RYR3: variants seen among roughly 807,000 people sequenced by gnomAD.
The protein encoded by RYR3 is ryanodine receptor 3.
Under a neutral mutation model 584.3 loss-of-function variants are expected in RYR3, and 207 were observed. The observed-to-expected ratio is 0.35, with a 90% CI of 0.32 to 0.40. The LOEUF (loss-of-function observed/expected upper bound fraction) is 0.40, where lower values mean the gene tolerates loss of function less well. Ranked by LOEUF, RYR3 falls within the 10% of genes least tolerant of loss-of-function variation. The pLI, the probability that RYR3 is intolerant of heterozygous loss-of-function variation, is 1.00. For missense variants in RYR3, 5,616 were observed against 6,089.2 expected (o/e 0.92, Z 2.59); for synonymous variants, 2,416 against 2,248.5 (o/e 1.07, Z -2.11).
At chr15:33,560,338 C>T (rs1001182262) in intron 10 of RYR3, among the ~76,000 whole-genome samples, 4 of 152,054 alleles carry the variant, frequency 2.6e-5, no homozygotes, top group Non-Finnish European at 5.9e-5. Flanking sequence ...CAGTGACTGC[C>T]GTAGAATTTG....
chr15:33,664,458 G>T (rs562036710), intron 36 of RYR3, among the ~76,000 whole-genome samples: 7 of 151,840 alleles, frequency 4.6e-5, no homozygotes, highest in African/African-American at 1.7e-4. Context: ...TTGCAGATGG[G>T]TTGACCACTG....
chr15:33,347,579 T>G (rs1420280173), intron 1 of RYR3, among the ~76,000 whole-genome samples: 1 of 151,980 alleles, frequency 6.6e-6, no homozygotes, highest in Non-Finnish European at 1.5e-5. Context: ...CCTGAGTAGC[T>G]GGGACTACAG....
At chr15:33,337,689 C>G (rs1179173131) in intron 1 of RYR3, among the ~76,000 whole-genome samples, 2 of 152,114 alleles carry the variant, frequency 1.3e-5, no homozygotes, top group African/African-American at 4.8e-5. Flanking sequence ...GGTACAGTCA[C>G]TTTGGAAAAT....
intron 1 of RYR3, among the ~76,000 whole-genome samples, chr15:33,342,969 C>A (rs991145715): frequency 1.3e-5 from 2 of 152,092 alleles, no homozygotes; most frequent in African/African-American, 4.8e-5. Flanking sequence ...TGAAAAAACT[C>A]GATTGTTTTA....
intron 12 of RYR3, among the ~76,000 whole-genome samples, chr15:33,573,937 T>G (rs2058165774): frequency 6.6e-6 from 1 of 152,206 alleles, no homozygotes; most frequent in Admixed American, 6.5e-5. Flanking sequence ...TCTGCCTTAG[T>G]CTAGTGGAGG....
intron 12 of RYR3, among the ~76,000 whole-genome samples, chr15:33,573,766 G>C (rs1311070945): frequency 1.3e-5 from 2 of 152,196 alleles, no homozygotes; most frequent in East Asian, 3.9e-4. Flanking sequence ...TTGTTTCTGA[G>C]TTGAGGCTCT....
At chr15:33,813,645 C>T (rs1376429713) in intron 74 of RYR3, 66 bp downstream of exon 74, 5 of 1,244,538 alleles carry the variant, frequency 4.0e-6, no homozygotes, top group Non-Finnish European at 4.7e-6. Flanking sequence ...CCTCCCACAG[C>T]TGTGCTCTCT....
intron 36 of RYR3, among the ~76,000 whole-genome samples, chr15:33,667,297 A>G (rs1596058253): frequency 6.6e-6 from 1 of 152,350 alleles, no homozygotes; most frequent in African/African-American, 2.4e-5. Context: ...CCAGGTGTTC[A>G]ATGACCTGGG....
At chr15:33,441,940 T>G (rs1220756308) in intron 1 of RYR3, among the ~76,000 whole-genome samples, 2 of 152,206 alleles carry the variant, frequency 1.3e-5, no homozygotes, top group Non-Finnish European at 2.9e-5. Context: ...TTTTCAGACA[T>G]ATCATTGGAA....
intron 31 of RYR3, among the ~76,000 whole-genome samples, chr15:33,651,337 C>T (rs1303795214): frequency 2.0e-5 from 3 of 152,154 alleles, no homozygotes; most frequent in East Asian, 1.9e-4. Context: ...ATGGTTAGCA[C>T]CTTAATCACT....
chr15:33,643,627 C>T (rs1438375505), intron 27 of RYR3, among the ~76,000 whole-genome samples: 3 of 151,792 alleles, frequency 2.0e-5, no homozygotes, highest in African/African-American at 7.3e-5. Context: ...ATAGTGCTAG[C>T]ATTTAAAACT....
In RYR3 at chr15:33,748,539, C is replaced by T. The variant is rs2070971804; in HGVS notation, c.8199+9C>T. On this transcript the variant is annotated intron_variant, in intron 55 of 103. Coordinates refer to ENST00000634891, the MANE Select transcript of RYR3 (RefSeq NM_001036.6). ...TCTCCAGAGAGCTCCAGGTCAGTGC[C>T]CCAGGTCCAGCATGACTTGCTTTCA... The T allele has an allele frequency of 5.0e-6, 8 of 1,610,110 alleles. No individual in the cohort carries two copies. Among genetic ancestry groups the T allele is most frequent in the Non-Finnish European group, 6.8e-6 (8 of 1,177,718 alleles).
chr15:33,627,515 T>TA (rs2061054284), intron 20 of RYR3, among the ~76,000 whole-genome samples: 2 of 152,090 alleles, frequency 1.3e-5, no homozygotes, highest in Admixed American at 1.3e-4. Context: ...GTGATGTATA[T>TA]GGTGGGGAGT....
At chr15:33,550,855 A>G (rs540448992) in intron 10 of RYR3, among the ~76,000 whole-genome samples, 2 of 152,318 alleles carry the variant, frequency 1.3e-5, no homozygotes, top group African/African-American at 2.4e-5. Flanking sequence ...ATTAATATCT[A>G]TATGATAAAA....
chr15:33,701,833 A>T (rs1001595308), intron 42 of RYR3, among the ~76,000 whole-genome samples: 1 of 152,134 alleles, frequency 6.6e-6, no homozygotes, highest in Non-Finnish European at 1.5e-5. Flanking sequence ...TTGGGGAAGC[A>T]TGCCAGGGAT....
chr15:33,652,683 C>A (rs1413341562), intron 31 of RYR3, 35 bp from the exon 32 acceptor site: 4 of 1,604,404 alleles, frequency 2.5e-6, no homozygotes, highest in Non-Finnish European at 3.4e-6. Flanking sequence ...CTGCCCCAGT[C>A]CAGATTCTGT....
At chr15:33,316,009 G>A (rs1968121095) in intron 1 of RYR3, among the ~76,000 whole-genome samples, 1 of 151,994 alleles carries the variant, frequency 6.6e-6, no homozygotes, top group Non-Finnish European at 1.5e-5. Flanking sequence ...TGATTATTAA[G>A]CAAGGAATAA....
At chr15:33,778,845 C>T (rs905265307) in intron 64 of RYR3, among the ~76,000 whole-genome samples, 1 of 152,200 alleles carries the variant, frequency 6.6e-6, no homozygotes, top group Non-Finnish European at 1.5e-5. Flanking sequence ...GACTGAGGAC[C>T]TGTCAATCCA....
At chr15:33,551,723 T>C (rs2056688002) in intron 10 of RYR3, among the ~76,000 whole-genome samples, 1 of 151,932 alleles carries the variant, frequency 6.6e-6, no homozygotes, top group Admixed American at 6.5e-5. Flanking sequence ...TCTGGTTTTC[T>C]GAGCATATCT....
Sources: allele counts gnomAD v4.1 joint callset (sites outside exome capture counted in the v4.1 genomes callset), GRCh38; gene constraint gnomAD v4.1.1; transcripts MANE v1.5; gene names NCBI Gene and HGNC (gene_info 2026-07-23, HGNC 2026-07-21).